The following RASGRF2 variants were observed in gnomAD, a reference collection of about 807,000 sequenced individuals.
The protein encoded by RASGRF2 is ras-specific guanine nucleotide-releasing factor 2.
RASGRF2 carries 76 observed loss-of-function variants against 151.0 expected under a neutral mutation model. That is an observed-to-expected ratio of 0.50 (90% CI 0.42 to 0.61). The LOEUF (loss-of-function observed/expected upper bound fraction) is 0.61, where lower values mean the gene tolerates loss of function less well. Ranked by LOEUF, RASGRF2 falls within the 20% of genes least tolerant of loss-of-function variation. RASGRF2 has a pLI of 0.00. For missense variants in RASGRF2, 1,148 were observed against 1,564.6 expected (o/e 0.73, Z 4.49); for synonymous variants, 504 against 566.5 (o/e 0.89, Z 1.57).
At chr5:81,127,942 A>G (rs1306703403) in intron 17 of RASGRF2, among the ~76,000 whole-genome samples, 2 of 151,306 alleles carry the variant, frequency 1.3e-5, no homozygotes, top group African/African-American at 2.4e-5. Flanking sequence ...AAAAAAAAAA[A>G]AAAAAGAAAA....
In RASGRF2 at chr5:81,080,623, T is replaced by C; in HGVS notation, c.995T>C (p.Met332Thr). ...LADLFDILLP[M>T]LNIYQEFVRN... The stretch of plus-strand genomic sequence containing the variant: ...GATCTGTTTGATATTTTGCTCCCCA[T>C]GCTGAACATTTATCAAGAATTTGTG... Residue 332 changes from methionine (M) to threonine (T), a missense_variant, in exon 7 of 27, where the codon ATG (methionine) becomes ACG (threonine). Met to Thr is a moderately conservative substitution (Grantham distance 81). Transcript: ENST00000265080. 1 of 1,614,116 alleles carries C rather than the reference T, an allele frequency of 6.2e-7. No individual in the cohort carries two copies. The highest frequency in any genetic ancestry group is 1.1e-5 in the South Asian group (1 of 91,058).
chr5:81,007,961 C>T (rs1203310463), intron 1 of RASGRF2, among the ~76,000 whole-genome samples: 3 of 152,054 alleles, frequency 2.0e-5, no homozygotes. Context: ...TTCCAATACC[C>T]TCAGCTTCCC....
intron 2 of RASGRF2, among the ~76,000 whole-genome samples, chr5:81,060,265 T>G (rs1751386235): frequency 6.6e-6 from 1 of 152,146 alleles, no homozygotes; most frequent in African/African-American, 2.4e-5. Context: ...TTGAGGAAAC[T>G]CACCACTTTG....
intron 17 of RASGRF2, among the ~76,000 whole-genome samples, chr5:81,145,778 C>A (rs1365643231): frequency 6.6e-6 from 1 of 152,200 alleles, no homozygotes; most frequent in Non-Finnish European, 1.5e-5. Context: ...CCGCATGGCC[C>A]TGAGCCCGAT....
intron 17 of RASGRF2, among the ~76,000 whole-genome samples, chr5:81,142,212 A>G (rs920297376): frequency 1.3e-5 from 2 of 151,112 alleles, no homozygotes; most frequent in African/African-American, 4.9e-5. Context: ...TAGAATAAGA[A>G]CAGCCGGGGA....
At chr5:81,041,812 A>G (rs1036395453) in intron 1 of RASGRF2, among the ~76,000 whole-genome samples, 23 of 152,148 alleles carry the variant, frequency 1.5e-4, no homozygotes, top group African/African-American at 5.6e-4. Context: ...ATGTAGAACC[A>G]TTTTATCACT....
At chr5:81,018,801 A>AT (rs1749726028) in intron 1 of RASGRF2, among the ~76,000 whole-genome samples, 3 of 123,318 alleles carry the variant, frequency 2.4e-5, no homozygotes, top group African/African-American at 9.9e-5. Context: ...GTCCATCTGC[A>AT]CTTTTTTTTT....
intron 2 of RASGRF2, among the ~76,000 whole-genome samples, chr5:81,056,223 G>T (rs1175808740): frequency 1.3e-5 from 2 of 152,050 alleles, no homozygotes; most frequent in Non-Finnish European, 1.5e-5. Context: ...TGATGTTAGG[G>T]TGTCAGTTTT....
At chr5:81,186,840 A>G (rs1343468608) in intron 18 of RASGRF2, among the ~76,000 whole-genome samples, 1 of 152,134 alleles carries the variant, frequency 6.6e-6, no homozygotes, top group Non-Finnish European at 1.5e-5. Flanking sequence ...TGGAGGTGTG[A>G]AGTTAGGGTG....
chr5:81,120,050 C>T (rs896408693), intron 15 of RASGRF2, among the ~76,000 whole-genome samples: 5 of 152,172 alleles, frequency 3.3e-5, no homozygotes, highest in African/African-American at 1.2e-4. Context: ...GCTGTCAGCT[C>T]CTCTGCTCCC....
intron 1 of RASGRF2, among the ~76,000 whole-genome samples, chr5:81,001,817 C>A (rs1472805872): frequency 6.6e-6 from 1 of 152,166 alleles, no homozygotes; most frequent in Non-Finnish European, 1.5e-5. Context: ...AATAGACAAA[C>A]AGTGCCCAGC....
At chr5:81,046,647 A>G (rs1750845027) in intron 2 of RASGRF2, among the ~76,000 whole-genome samples, 1 of 152,034 alleles carries the variant, frequency 6.6e-6, no homozygotes, top group Non-Finnish European at 1.5e-5. Context: ...TGTGGTTGCT[A>G]CTTGAGTATG....
intron 17 of RASGRF2, among the ~76,000 whole-genome samples, chr5:81,141,758 G>A (rs952306008): frequency 5.3e-5 from 8 of 152,180 alleles, no homozygotes; most frequent in African/African-American, 1.7e-4. Context: ...ATGAGCCTGG[G>A]GGAAATTAGT....
At chr5:81,055,218 A>G (rs1487368803) in intron 2 of RASGRF2, among the ~76,000 whole-genome samples, 1 of 152,170 alleles carries the variant, frequency 6.6e-6, no homozygotes, top group East Asian at 1.9e-4. Flanking sequence ...TTTCAAAGGG[A>G]ATGCTTCCAG....
chr5:81,108,832 C>CTG (rs200586966), intron 12 of RASGRF2, among the ~76,000 whole-genome samples, 164 bp from the exon 13 acceptor site: 9,769 of 115,380 alleles, frequency 0.085, 540 homozygotes, highest in Admixed American at 0.2. Flanking sequence ...TATTTACCTA[C>CTG]TCTGTGTGTG....
intron 17 of RASGRF2, among the ~76,000 whole-genome samples, chr5:81,161,101 C>T (rs1754372903): frequency 6.6e-6 from 1 of 152,180 alleles, no homozygotes; most frequent in Non-Finnish European, 1.5e-5. Flanking sequence ...TCCATACTTT[C>T]TGAGGATTAT....
At chr5:81,220,059 C>G (rs936762387) in intron 26 of RASGRF2, among the ~76,000 whole-genome samples, 6 of 152,120 alleles carry the variant, frequency 3.9e-5, no homozygotes, top group Admixed American at 2.6e-4. Flanking sequence ...CTGTTGCCTG[C>G]TCTACTTGCA....
At chr5:81,025,301 A>G (rs1260503716) in intron 1 of RASGRF2, among the ~76,000 whole-genome samples, 1 of 152,190 alleles carries the variant, frequency 6.6e-6, no homozygotes, top group Non-Finnish European at 1.5e-5. Flanking sequence ...TACTTCCCAC[A>G]TGCTCCCAGA....
intron 1 of RASGRF2, among the ~76,000 whole-genome samples, chr5:80,994,577 G>C (rs1748772337): frequency 6.6e-6 from 1 of 152,074 alleles, no homozygotes; most frequent in Non-Finnish European, 1.5e-5. Flanking sequence ...TAGTGTTGGA[G>C]AAAGATCCCC....
Sources: allele counts gnomAD v4.1 joint callset (sites outside exome capture counted in the v4.1 genomes callset), GRCh38; gene constraint gnomAD v4.1.1; transcripts MANE v1.5; gene names NCBI Gene and HGNC (gene_info 2026-07-23, HGNC 2026-07-21).